The following CTNNA2 variants were observed in gnomAD, a reference collection of about 807,000 sequenced individuals.
CTNNA2 encodes the protein catenin alpha 2.
A neutral mutation model predicts 101.0 loss-of-function variants in CTNNA2; 42 were observed. The ratio of observed to expected loss-of-function variants is 0.42; its 90% CI spans 0.32 to 0.54. The LOEUF is 0.54. CTNNA2 is among the 20% of genes least tolerant of loss of function. CTNNA2 has a pLI of 0.14. For missense variants in CTNNA2, 871 were observed against 1,223.1 expected (o/e 0.71, Z 4.29); for synonymous variants, 450 against 456.4 (o/e 0.99, Z 0.18).
chr2:80,225,191 C>A (rs922495335), intron 7 of CTNNA2, among the ~76,000 whole-genome samples: 3 of 152,142 alleles, frequency 2.0e-5, no homozygotes, highest in Non-Finnish European at 2.9e-5. Context: ...AGCAGGTTCA[C>A]TCTCAGAGCT....
rs148048358 is a variant in CTNNA2, at chr2:79,628,190, G to A, written c.-5-23362G>A. On this transcript the variant is annotated intron_variant, in intron 1 of 18. Transcript: ENST00000402739. ...AGGTTGGCCAGGCATGGTGGCTCACGCCTGTAATCTCAGCACTTTGGGAGA... is the reference window on the plus strand; with the variant it reads ...AGGTTGGCCAGGCATGGTGGCTCACACCTGTAATCTCAGCACTTTGGGAGA... Among the ~76,000 whole-genome samples the A allele has an allele frequency of 1.8e-3, 271 of 152,170 alleles. 5 individuals are homozygous for A. The East Asian group carries it at 0.037, about 21-fold the overall frequency.
chr2:80,021,289 G>A (rs1016476669), intron 7 of CTNNA2, among the ~76,000 whole-genome samples: 107 of 152,004 alleles, frequency 7.0e-4, no homozygotes, highest in African/African-American at 2.5e-3. Flanking sequence ...CAAAGTGCTG[G>A]GATTACAGGT....
At chr2:80,524,098 C>T (rs1234120353) in intron 9 of CTNNA2, among the ~76,000 whole-genome samples, 3 of 152,120 alleles carry the variant, frequency 2.0e-5, no homozygotes, top group Admixed American at 6.5e-5. Flanking sequence ...AGGAGATGTC[C>T]TGCAGGGAAA....
At chr2:79,865,433 C>T (rs1681994683) in intron 4 of CTNNA2, among the ~76,000 whole-genome samples, 1 of 152,104 alleles carries the variant, frequency 6.6e-6, no homozygotes, top group African/African-American at 2.4e-5. Flanking sequence ...ACATATGATC[C>T]ATTAAATAGT....
chr2:80,370,955 T>A (rs902269281), intron 7 of CTNNA2, among the ~76,000 whole-genome samples: 2 of 152,158 alleles, frequency 1.3e-5, no homozygotes, highest in Non-Finnish European at 2.9e-5. Flanking sequence ...ATGACATAAA[T>A]AGTTGTAGAG....
intron 4 of CTNNA2, among the ~76,000 whole-genome samples, chr2:79,429,348 G>A (rs549019347): frequency 1.3e-5 from 2 of 152,140 alleles, no homozygotes; most frequent in African/African-American, 4.8e-5. Context: ...TCTGTAAAAT[G>A]AGAATAGCAG....
At chr2:79,371,065 T>G (rs750222775) in intron 3 of CTNNA2, among the ~76,000 whole-genome samples, 1 of 152,022 alleles carries the variant, frequency 6.6e-6, no homozygotes, top group African/African-American at 2.4e-5. Flanking sequence ...CCACTCTGCC[T>G]GCTTGGAAAA....
At chr2:79,816,397 T>C (rs755330654) in intron 3 of CTNNA2, among the ~76,000 whole-genome samples, 28 of 152,164 alleles carry the variant, frequency 1.8e-4, no homozygotes, top group Non-Finnish European at 7.3e-5. Context: ...GGGTTTGTCA[T>C]AGAAAACCCA....
intron 7 of CTNNA2, among the ~76,000 whole-genome samples, chr2:80,143,534 C>T (rs1426795593): frequency 2.0e-5 from 3 of 151,944 alleles, no homozygotes; most frequent in South Asian, 2.1e-4. Flanking sequence ...AGAAGTCATT[C>T]GTCCTAACTG....
At chr2:80,113,902 T>G (rs1232668311) in intron 7 of CTNNA2, among the ~76,000 whole-genome samples, 3 of 152,242 alleles carry the variant, frequency 2.0e-5, no homozygotes, top group African/African-American at 7.2e-5. Flanking sequence ...CTAAAGAATA[T>G]TTCATTATTT....
At position 80,648,243 on chromosome 2, in the gene CTNNA2, T is replaced by C. The variant is rs1674319801; in HGVS notation, c.*371T>C. ...ATCATTAGGTTGGCAGGTATATGCA[T>C]AAGTGAAAAATCTGGAAGTGTAATG... On this transcript the variant is annotated 3_prime_UTR_variant, in exon 19 of 19. Transcript: ENST00000402739. 1 of 161,096 alleles carries C rather than the reference T, an allele frequency of 6.2e-6. No homozygotes were observed. The highest frequency in any genetic ancestry group is 1.9e-4 in the South Asian group (1 of 5,318). The allele number at this position is 161,096 out of a possible 1,614,324, so 10.0% of individuals were successfully genotyped here.
intron 7 of CTNNA2, among the ~76,000 whole-genome samples, chr2:80,382,550 C>T (rs1676613637): frequency 6.6e-6 from 1 of 152,166 alleles, no homozygotes; most frequent in East Asian, 1.9e-4. Flanking sequence ...TGGCTATAGG[C>T]ACACAGAAGA....
At chr2:80,307,969 G>T (rs1215052177) in intron 7 of CTNNA2, among the ~76,000 whole-genome samples, 1 of 152,230 alleles carries the variant, frequency 6.6e-6, no homozygotes, top group East Asian at 1.9e-4. Flanking sequence ...GAACTAAGGG[G>T]AGGTAGAAGA....
chr2:80,403,485 A>C (rs1678767327), intron 8 of CTNNA2, among the ~76,000 whole-genome samples: 1 of 152,220 alleles, frequency 6.6e-6, no homozygotes, highest in African/African-American at 2.4e-5. Context: ...GATGTTTATC[A>C]CAGTGACATG....
intron 9 of CTNNA2, among the ~76,000 whole-genome samples, chr2:80,438,428 T>G (rs992391417): frequency 6.6e-6 from 1 of 151,882 alleles, no homozygotes; most frequent in Non-Finnish European, 1.5e-5. Flanking sequence ...TTAGTTTTTT[T>G]GTTTTGTTTT....
intron 1 of CTNNA2, among the ~76,000 whole-genome samples, chr2:79,569,157 CTAT>C (rs1195738378): frequency 2.0e-5 from 3 of 152,216 alleles, no homozygotes; most frequent in African/African-American, 7.2e-5. Context: ...ACAGAAAACA[CTAT>C]TATTGCTTCT....
intron 7 of CTNNA2, among the ~76,000 whole-genome samples, chr2:80,310,872 C>T (rs1677501497): frequency 6.6e-6 from 1 of 151,104 alleles, no homozygotes; most frequent in Admixed American, 6.6e-5. Context: ...ACTTGGGAAG[C>T]TGAGGCAGGA....
At chr2:79,909,484 T>C (rs1377876288) in intron 6 of CTNNA2, 110 bp from the exon 7 acceptor site, 2 of 822,412 alleles carry the variant, frequency 2.4e-6, no homozygotes, top group East Asian at 2.7e-5. Flanking sequence ...CAGTTTCTCC[T>C]CCTTGGGGAC....
intron 7 of CTNNA2, among the ~76,000 whole-genome samples, chr2:79,970,524 A>G (rs1229815876): frequency 1.3e-5 from 2 of 152,054 alleles, no homozygotes; most frequent in African/African-American, 2.4e-5. Context: ...GGCCATTGCT[A>G]CCACCTACGG....
Sources: gnomAD v4.1 joint callset for allele counts (sites outside exome capture counted in the v4.1 genomes callset) on GRCh38, gnomAD v4.1.1 for gene constraint, MANE v1.5 for transcripts, NCBI Gene and HGNC (gene_info 2026-07-23, HGNC 2026-07-21) for gene names.